Variants in NTN1 observed in about 807,000 individuals in gnomAD.
NTN1 encodes the protein netrin 1.
Under a neutral mutation model 54.2 loss-of-function variants are expected in NTN1, and 11 were observed. The ratio of observed to expected loss-of-function variants is 0.20; its 90% CI spans 0.13 to 0.34. NTN1 has a LOEUF of 0.34. NTN1 is among the 10% of genes least tolerant of loss of function. The pLI, the probability that NTN1 is intolerant of heterozygous loss-of-function variation, is 1.00. For missense variants in NTN1, 740 were observed against 893.1 expected (o/e 0.83, Z 2.18); for synonymous variants, 371 against 382.0 (o/e 0.97, Z 0.33).
intron 2 of NTN1, among the ~76,000 whole-genome samples, chr17:9,056,168 T>C (rs1352197054): frequency 6.6e-6 from 1 of 152,222 alleles, no homozygotes; most frequent in Non-Finnish European, 1.5e-5. Context: ...GCAATTCTCC[T>C]GCCTCAGCCT....
chr17:9,197,168 G>T (rs184403236), intron 5 of NTN1, among the ~76,000 whole-genome samples: 6 of 152,252 alleles, frequency 3.9e-5, no homozygotes, highest in Middle Eastern at 6.8e-3. Context: ...ATCCGATCGG[G>T]CCTGCACATC....
intron 2 of NTN1, among the ~76,000 whole-genome samples, chr17:9,040,800 T>G (rs1228621459): frequency 6.6e-6 from 1 of 152,006 alleles, no homozygotes; most frequent in Admixed American, 6.6e-5. Context: ...TTTCTTACTT[T>G]TTTTTTTGTT....
At chr17:9,146,715 G>A (rs1306656578) in intron 2 of NTN1, among the ~76,000 whole-genome samples, 3 of 152,176 alleles carry the variant, frequency 2.0e-5, no homozygotes, top group Admixed American at 2.0e-4. Flanking sequence ...TAGGGATTTG[G>A]CCCGTGCTAT....
chr17:9,022,516 C>G lies in NTN1; in HGVS notation c.143C>G (p.Pro48Arg), dbSNP rs866779945. Residue 48 changes from proline to arginine, a missense_variant, in exon 2 of 7, where the codon CCG (proline) becomes CGG (arginine). Coordinates refer to ENST00000173229, the MANE Select transcript of NTN1 (RefSeq NM_004822.3). Reference protein sequence around the residue: ...PDPCSDENGHPRRCIPDFVNA... With the variant: ...PDPCSDENGHRRRCIPDFVNA... Reference sequence around the variant, plus strand: ...CCCTGCTCGGACGAGAACGGCCACCCGCGCCGCTGCATCCCGGACTTTGTC... The same window carrying G: ...CCCTGCTCGGACGAGAACGGCCACCGGCGCCGCTGCATCCCGGACTTTGTC... 3 of 1,548,106 alleles carry G rather than the reference C, an allele frequency of 1.9e-6. No homozygotes were observed. The highest frequency in any genetic ancestry group is 2.6e-6 in the Non-Finnish European group (3 of 1,150,248).
At chr17:9,019,334 C>A (rs1329956301), upstream of NTN1, among the ~76,000 whole-genome samples, 1 of 152,102 alleles carries the variant, frequency 6.6e-6, no homozygotes, top group Admixed American at 6.5e-5. Context: ...TGACATTATA[C>A]TGTGTGTTTT....
chr17:9,240,360 A>C lies in NTN1; in HGVS notation c.*392A>C, dbSNP rs1248381047. The C allele has an allele frequency of 1.3e-5, 2 of 152,038 alleles. No individual in the cohort carries two copies. The highest frequency in any genetic ancestry group is 2.9e-5 in the Non-Finnish European group (2 of 68,062). The allele number at this position is 152,038 out of a possible 1,614,324, so 9.4% of individuals were successfully genotyped here. A position where few individuals can be genotyped will look rare whatever the true frequency, so the allele number is the denominator to read the frequency against. ...CGCAGAATCGCACAACTGGGGCCCC[A>C]GGCGCGGGGCGTGGATGGCGCGGAG... On this transcript the variant is annotated 3_prime_UTR_variant, in exon 7 of 7. Coordinates refer to ENST00000173229, the MANE Select transcript of NTN1 (RefSeq NM_004822.3).
Position 9,168,400 on chromosome 17 carries a change from C to T in NTN1, c.1207+5399C>T, listed in dbSNP as rs59112033. On this transcript the variant is annotated intron_variant, in intron 3 of 6. Transcript: ENST00000173229. ...ATACAAAATTAGCCGGGCGCAGTGG[C>T]GCATGCCTGTAATCCCAGCTACTTG... is the stretch of plus-strand genomic sequence containing the variant. 1.8e-3 allele frequency among the ~76,000 whole-genome samples: 268 copies of T among 152,172 alleles called. 3 individuals carry two copies. The East Asian group carries it at 0.048, about 27-fold the overall frequency.
chr17:9,046,228 A>G (rs2091941028), intron 2 of NTN1, among the ~76,000 whole-genome samples: 1 of 152,228 alleles, frequency 6.6e-6, no homozygotes, highest in Non-Finnish European at 1.5e-5. Flanking sequence ...AGAAACGGGC[A>G]AAGAACTTCA....
the NTN1 span, among the ~76,000 whole-genome samples, chr17:9,014,587 A>C: frequency 1.3e-5 from 2 of 152,200 alleles, no homozygotes; most frequent in East Asian, 3.8e-4. Context: ...AGGCCTGTCC[A>C]AGTCAAGTTC....
At chr17:9,115,770 G>C (rs2092209935) in intron 2 of NTN1, among the ~76,000 whole-genome samples, 1 of 152,236 alleles carries the variant, frequency 6.6e-6, no homozygotes, top group Non-Finnish European at 1.5e-5. Flanking sequence ...CTCTGGAGGC[G>C]CCGGGGCAGC....
Position 9,239,829 on chromosome 17 carries a change from G to T in NTN1, c.1676G>T (p.Gly559Val). The change falls in exon 7 of 7, where the codon GGC (glycine) becomes GTC (valine). Residue 559 changes from glycine to valine, a missense_variant. Physicochemically the swap from Gly to Val is moderately radical, Grantham distance 109. Transcript: ENST00000173229. The surrounding 1 kb of genome is among the most constrained non-coding windows in gnomAD (Gnocchi z 5.2). ...IKPLKKYLLL[G>V]NAEDSPDQSG... ...CCCCTCAAGAAGTACCTGCTGCTGG[G>T]CAACGCGGAGGACTCTCCGGACCAG... 6.2e-7 allele frequency: 1 copy of T among 1,613,402 alleles called. No individual in the cohort carries two copies.
At chr17:9,141,477 C>T (rs2092297594) in intron 2 of NTN1, among the ~76,000 whole-genome samples, 1 of 152,114 alleles carries the variant, frequency 6.6e-6, no homozygotes, top group Non-Finnish European at 1.5e-5. Context: ...TGCAATATGG[C>T]AGACTTAGGT....
chr17:9,115,381 C>T lies in NTN1; in HGVS notation c.1019-47432C>T, dbSNP rs1478286880. Among the ~76,000 whole-genome samples the T allele has an allele frequency of 2.0e-5, 3 of 152,280 alleles. No individual in the cohort carries two copies. In the East Asian group the frequency reaches 5.8e-4, roughly 29 times the overall value. ...CTGGCGTCAGCCTTGCATGTGTTCC[C>T]CAGGGTCTCCCGGGGGTCTCCTGCT... On this transcript the variant is annotated intron_variant, in intron 2 of 6. Transcript: ENST00000173229.
At chr17:9,152,995 G>A (rs2092331879) in intron 2 of NTN1, among the ~76,000 whole-genome samples, 1 of 152,154 alleles carries the variant, frequency 6.6e-6, no homozygotes, top group South Asian at 2.1e-4. Context: ...GCGGCCAGGT[G>A]CGGTGCTTCA....
chr17:9,041,063 T>G (rs2071481280), intron 2 of NTN1, among the ~76,000 whole-genome samples: 1 of 152,168 alleles, frequency 6.6e-6, no homozygotes, highest in South Asian at 2.1e-4. Context: ...TCCTCCTGCC[T>G]GAGACTCCCA....
In NTN1 at chr17:9,115,361, G is replaced by A. The variant is rs1213250813; in HGVS notation, c.1019-47452G>A. On this transcript the variant is annotated intron_variant, in intron 2 of 6. Coordinates refer to ENST00000173229, the MANE Select transcript of NTN1 (RefSeq NM_004822.3). The stretch of plus-strand genomic sequence containing the variant: ...TTCACCAAAGACCCACAATGCTGGC[G>A]TCAGCCTTGCATGTGTTCCCCAGGG... Among the ~76,000 whole-genome samples the A allele has an allele frequency of 2.6e-5, 4 of 152,202 alleles. No homozygotes were observed. The South Asian group carries it at 6.2e-4, about 24-fold the overall frequency.
chr17:9,078,490 T>C (rs1002695883), intron 2 of NTN1, among the ~76,000 whole-genome samples: 1 of 152,224 alleles, frequency 6.6e-6, no homozygotes, highest in Non-Finnish European at 1.5e-5. Flanking sequence ...ATTTTAAAGA[T>C]GAGTACCTGA....
At chr17:9,164,808 C>T (rs560189523) in intron 3 of NTN1, among the ~76,000 whole-genome samples, 10 of 152,222 alleles carry the variant, frequency 6.6e-5, no homozygotes, top group South Asian at 2.1e-4. Context: ...TAAAAAATCA[C>T]GGTTTCAGGT....
At chr17:9,152,142 G>T (rs915121954) in intron 2 of NTN1, among the ~76,000 whole-genome samples, 1 of 152,090 alleles carries the variant, frequency 6.6e-6, no homozygotes, top group East Asian at 1.9e-4. Context: ...TCTTGCTGCC[G>T]CTCACTCTTT....
Sources: allele counts gnomAD v4.1 joint callset (sites outside exome capture counted in the v4.1 genomes callset), GRCh38; gene constraint gnomAD v4.1.1; non-coding constraint Gnocchi (gnomAD v3.1); transcripts MANE v1.5; gene names NCBI Gene and HGNC (gene_info 2026-07-23, HGNC 2026-07-21).